Variants in CCDC77 observed in about 807,000 individuals in gnomAD.
CCDC77 encodes the protein coiled-coil domain containing 77.
Under a neutral mutation model 66.8 loss-of-function variants are expected in CCDC77, and 56 were observed. The observed-to-expected ratio is 0.84, with a 90% CI of 0.68 to 1.05. The LOEUF is 1.05. Ranked by LOEUF, CCDC77 falls within the 50% of genes least tolerant of loss-of-function variation. The pLI, the probability that CCDC77 is intolerant of heterozygous loss-of-function variation, is 0.00. For synonymous variants in CCDC77, 196 were observed against 195.2 expected, an observed-to-expected ratio of 1.00 and a Z score of -0.03; for missense variants, 570 against 576.8, an observed-to-expected ratio of 0.99 and a Z score of 0.12.
At chr12:424,936 T>A (rs1300009290) in intron 5 of CCDC77, among the ~76,000 whole-genome samples, 3 of 149,700 alleles carry the variant, frequency 2.0e-5, no homozygotes, top group Admixed American at 1.3e-4. Context: ...TTTTTTTTTT[T>A]AATTTTTATT....
At chr12:424,226 C>G (rs530868932) in intron 5 of CCDC77, among the ~76,000 whole-genome samples, 1 of 152,290 alleles carries the variant, frequency 6.6e-6, no homozygotes, top group Admixed American at 6.5e-5. Flanking sequence ...ACCTCACCCT[C>G]CCAAAGTGCT....
At chr12:414,190 C>A (rs1289308330) in intron 4 of CCDC77, among the ~76,000 whole-genome samples, 1 of 151,222 alleles carries the variant, frequency 6.6e-6, no homozygotes, top group Non-Finnish European at 1.5e-5. Flanking sequence ...CTCCCGGGTT[C>A]AAACGATTCT....
chr12:430,424 G>A (rs912935479), intron 6 of CCDC77, among the ~76,000 whole-genome samples: 2 of 150,786 alleles, frequency 1.3e-5, no homozygotes, highest in Admixed American at 6.6e-5. Flanking sequence ...CCTGAGTAGC[G>A]GGGACCACAG....
At chr12:409,338 C>T (rs767210377) in intron 2 of CCDC77, 30 bp from the exon 3 acceptor site, 23 of 1,548,248 alleles carry the variant, frequency 1.5e-5, no homozygotes, top group Admixed American at 5.0e-5. Context: ...ATTCGTGGCC[C>T]GTAATTATGA....
intron 5 of CCDC77, chr12:418,845 T>C (rs1945336674): frequency 3.7e-6 from 2 of 545,828 alleles, no homozygotes; most frequent in Admixed American, 6.5e-5. Context: ...AACACAGGTG[T>C]GCACTACAAG....
chr12:434,709 G>A (rs1230746981), intron 9 of CCDC77, among the ~76,000 whole-genome samples: 1 of 152,150 alleles, frequency 6.6e-6, no homozygotes, highest in African/African-American at 2.4e-5. Context: ...ATTATACTTA[G>A]TATCTTCCTG....
At chr12:436,135 T>TG (rs1491397714) in intron 9 of CCDC77, among the ~76,000 whole-genome samples, 2 of 141,706 alleles carry the variant, frequency 1.4e-5, no homozygotes, top group Non-Finnish European at 3.0e-5. Context: ...TTTTTTTTTT[T>TG]GAGACAGAGT....
At chr12:395,464 G>A (rs768125486) in intron 1 of CCDC77, among the ~76,000 whole-genome samples, 7 of 152,132 alleles carry the variant, frequency 4.6e-5, no homozygotes, top group Non-Finnish European at 1.0e-4. Flanking sequence ...CCAATCAGGA[G>A]GGATTACAGC....
chr12:392,568 AC>A, intron 1 of CCDC77, among the ~76,000 whole-genome samples: 1 of 151,990 alleles, frequency 6.6e-6, no homozygotes, highest in Non-Finnish European at 1.5e-5. Context: ...ACATGGAGAA[AC>A]CGCATCTCTA....
intron 5 of CCDC77, among the ~76,000 whole-genome samples, chr12:424,021 C>T (rs922898455): frequency 2.0e-5 from 3 of 152,072 alleles, no homozygotes; most frequent in Non-Finnish European, 4.4e-5. Flanking sequence ...CTCTGTCGCC[C>T]AGGCAGTGGC....
chr12:440,398 G>C (rs563743846), intron 10 of CCDC77, among the ~76,000 whole-genome samples: 17 of 152,284 alleles, frequency 1.1e-4, no homozygotes, highest in African/African-American at 4.1e-4. Flanking sequence ...AAAAATATTT[G>C]TTTTAATTTT....
At chr12:398,597 A>G (rs931059372), upstream of CCDC77, among the ~76,000 whole-genome samples, 7 of 151,780 alleles carry the variant, frequency 4.6e-5, no homozygotes, top group Non-Finnish European at 8.8e-5. Flanking sequence ...TTCTCTTGCT[A>G]CTTCCACAGC....
intron 5 of CCDC77, among the ~76,000 whole-genome samples, chr12:425,598 C>T (rs1303508135): frequency 6.6e-6 from 1 of 151,932 alleles, no homozygotes; most frequent in African/African-American, 2.4e-5. Context: ...GGGCATTGTG[C>T]TTCCTTCTTG....
chr12:438,524 G>C lies in CCDC77; in HGVS notation c.1011G>C (p.Glu337Asp), dbSNP rs1203606641. Residue 337 changes from glutamate to aspartate, a missense_variant, in exon 10 of 13, where the codon GAG becomes GAC. By Grantham distance (45) the Glu-to-Asp change is conservative (BLOSUM62 2). Coordinates refer to ENST00000239830, the MANE Select transcript of CCDC77 (RefSeq NM_032358.4). ...GAAAAGTGTTGCCCGTTATGCATGA[G>C]AGTCACCATGCTCAAAGTGAATATA... ...KIGKVLPVMH[E>D]SHHAQSEYIK... 16 of 1,612,724 alleles carry C rather than the reference G, an allele frequency of 9.9e-6. No individual in the cohort carries two copies. Among genetic ancestry groups the C allele is most frequent in the African/African-American group, 1.3e-5 (1 of 74,894 alleles).
chr12:405,744 A>G (rs956704889), intron 2 of CCDC77, among the ~76,000 whole-genome samples, 180 bp downstream of exon 2: 9 of 152,158 alleles, frequency 5.9e-5, no homozygotes, highest in Non-Finnish European at 1.3e-4. Context: ...TTTCAAATTC[A>G]TATTGAGAGT....
At chr12:435,714 A>T (rs950843465) in intron 9 of CCDC77, among the ~76,000 whole-genome samples, 1 of 152,178 alleles carries the variant, frequency 6.6e-6, no homozygotes, top group Non-Finnish European at 1.5e-5. Flanking sequence ...AGCACTCAGG[A>T]AAATATCTCC....
intron 1 of CCDC77, among the ~76,000 whole-genome samples, chr12:395,728 T>A (rs1944820217): frequency 1.3e-5 from 2 of 152,042 alleles, no homozygotes; most frequent in Admixed American, 1.3e-4. Context: ...GCCCCATCTC[T>A]ACTAAAAATA....
At chr12:430,556 A>G (rs1945631173) in intron 6 of CCDC77, 108 bp from the exon 7 acceptor site, 5 of 805,794 alleles carry the variant, frequency 6.2e-6, no homozygotes, top group Admixed American at 5.3e-5. Flanking sequence ...TGATCATATC[A>G]GTTTTGACTA....
intron 4 of CCDC77, among the ~76,000 whole-genome samples, chr12:414,091 T>A: frequency 6.6e-6 from 1 of 151,084 alleles, no homozygotes; most frequent in East Asian, 2.0e-4. Context: ...CCTTTCTTGA[T>A]TTCCTTTTTT....
Sources: gnomAD v4.1 joint callset for allele counts (sites outside exome capture counted in the v4.1 genomes callset) on GRCh38, gnomAD v4.1.1 for gene constraint, MANE v1.5 for transcripts, NCBI Gene and HGNC (gene_info 2026-07-23, HGNC 2026-07-21) for gene names.